The following DOCK2 variants were observed in gnomAD, a reference collection of about 807,000 sequenced individuals.
The protein encoded by DOCK2 is dedicator of cytokinesis 2, also known as dedicator of cytokinesis protein 2.
Under a neutral mutation model 248.9 loss-of-function variants are expected in DOCK2, and 87 were observed. The ratio of observed to expected loss-of-function variants is 0.35; its 90% CI spans 0.29 to 0.42. The LOEUF (loss-of-function observed/expected upper bound fraction) is 0.42, where lower values mean the gene tolerates loss of function less well. Ranked by LOEUF, DOCK2 falls within the 10% of genes least tolerant of loss-of-function variation. The pLI, the probability that DOCK2 is intolerant of heterozygous loss-of-function variation, is 1.00. For missense variants in DOCK2, 1,747 were observed against 2,300.2 expected, an observed-to-expected ratio of 0.76 and a Z score of 4.92; for synonymous variants, 805 against 821.6, an observed-to-expected ratio of 0.98 and a Z score of 0.35.
intron 19 of DOCK2, 104 bp downstream of exon 19, chr5:169,714,561 T>A: frequency 8.0e-7 from 1 of 1,249,740 alleles, no homozygotes; most frequent in South Asian, 1.4e-5. Context: ...TGGGGAAACT[T>A]TTCTTCCAAC....
chr5:170,081,894 T>G lies in DOCK2; in HGVS notation c.5340T>G (p.Ser1780=). The change falls in exon 51 of 52, where the codon TCT becomes TCG. Residue 1780 remains serine, a synonymous_variant. Coordinates refer to ENST00000520908, the MANE Select transcript of DOCK2 (RefSeq NM_004946.3). ...CTGGGTTGGATGAGGCCAACACATC[T>G]CCCCGCCTCAGCCAGACCTTCCTCC... ...GIPGLDEANT[S]PRLSQTFLQL... 1.2e-6 allele frequency: 2 copies of G among 1,613,270 alleles called. No individual in the cohort carries two copies. Among genetic ancestry groups the G allele is most frequent in the Non-Finnish European group, 1.7e-6 (2 of 1,179,864 alleles).
At chr5:170,029,081 CTG>C (rs1233374808) in intron 34 of DOCK2, among the ~76,000 whole-genome samples, 11 of 152,116 alleles carry the variant, frequency 7.2e-5, no homozygotes, top group Admixed American at 6.5e-4. Context: ...TTACAGTTCT[CTG>C]GGGTATATAC....
chr5:169,733,985 A>C (rs1762912032), intron 22 of DOCK2, among the ~76,000 whole-genome samples: 1 of 152,136 alleles, frequency 6.6e-6, no homozygotes, highest in South Asian at 2.1e-4. Context: ...ATTTCTCCAT[A>C]TATTTTATTA....
chr5:169,841,508 A>G, intron 27 of DOCK2: 1 of 948,100 alleles, frequency 1.1e-6, no homozygotes, highest in Non-Finnish European at 1.3e-6. Flanking sequence ...ATGCCCAACC[A>G]TGTCACTCCT....
intron 1 of DOCK2, among the ~76,000 whole-genome samples, chr5:169,653,295 A>G (rs1000999472): frequency 3.9e-5 from 6 of 152,156 alleles, no homozygotes; most frequent in African/African-American, 7.2e-5. Context: ...TAACCTTTTT[A>G]CAGTGGTATC....
At chr5:169,683,963 C>T (rs906349345) in intron 7 of DOCK2, among the ~76,000 whole-genome samples, 1 of 152,178 alleles carries the variant, frequency 6.6e-6, no homozygotes, top group Non-Finnish European at 1.5e-5. Flanking sequence ...CTTTTTATGA[C>T]ACTAACTTTA....
rs115690379 is a variant in DOCK2 at position 169,980,975 on chromosome 5, G to A, written c.2800-2093G>A. On this transcript the variant is annotated intron_variant, in intron 27 of 51. Transcript: ENST00000520908. ...TGTTTTCTAGTCATTTACGGTGTGT[G>A]GGTGTGGTGGTCACTTGGCAGGGAG... Among the ~76,000 whole-genome samples the A allele has an allele frequency of 1.1e-3, 169 of 152,224 alleles. 1 individual carries two copies. The highest frequency in any genetic ancestry group is 3.1e-3 in the African/African-American group (129 of 41,526).
rs386694789 is a variant in DOCK2 at position 169,686,064 on chromosome 5, TGGACCCC to T, written c.761+1716_761+1722del. On this transcript the variant is annotated intron_variant, in intron 8 of 51. Coordinates refer to ENST00000520908, the MANE Select transcript of DOCK2 (RefSeq NM_004946.3). ...CCCAATTCACCTGGCTTAGCCTTGG[TGGACCCC>T]GATAATGAGTGTCCCTGGTCCCTTA... Among the ~76,000 whole-genome samples, 625 of 152,336 alleles carry T rather than the reference TGGACCCC, an allele frequency of 4.1e-3. 4 individuals are homozygous for T. Among genetic ancestry groups the T allele is most frequent in the African/African-American group, 0.014 (564 of 41,576 alleles).
At chr5:169,644,489 C>T (rs977478268) in intron 1 of DOCK2, among the ~76,000 whole-genome samples, 14 of 151,980 alleles carry the variant, frequency 9.2e-5, no homozygotes, top group Non-Finnish European at 1.3e-4. Flanking sequence ...GTGGTGACTC[C>T]GAGGTTTCTG....
intron 27 of DOCK2, among the ~76,000 whole-genome samples, chr5:169,970,248 T>G (rs1777451529): frequency 6.6e-6 from 1 of 152,248 alleles, no homozygotes; most frequent in African/African-American, 2.4e-5. Flanking sequence ...AATAGGGACA[T>G]GCATTCCATC....
chr5:169,972,220 A>G lies in DOCK2; in HGVS notation c.2800-10848A>G, dbSNP rs74598734. Among the ~76,000 whole-genome samples, 9 of 152,284 alleles carry G rather than the reference A, an allele frequency of 5.9e-5. No homozygotes were observed. The East Asian group carries it at 1.7e-3, about 29-fold the overall frequency. On this transcript the variant is annotated intron_variant, in intron 27 of 51. Transcript: ENST00000520908. ...TATGAAATTTTCCCTGAATATTTCT[A>G]CCCTCATAGATTGTTCCTGCTTATT...
At chr5:170,056,249 G>C (rs563907921) in intron 42 of DOCK2, among the ~76,000 whole-genome samples, 1 of 152,302 alleles carries the variant, frequency 6.6e-6, no homozygotes, top group Non-Finnish European at 1.5e-5. Flanking sequence ...ACGGTGTTCT[G>C]CTGGCCCTGA....
chr5:169,985,200 G>A (rs1317662925), intron 28 of DOCK2, among the ~76,000 whole-genome samples: 7 of 152,234 alleles, frequency 4.6e-5, no homozygotes, highest in African/African-American at 1.7e-4. Flanking sequence ...ACCGTGCCTG[G>A]CCTCCAGATT....
Position 170,057,672 on chromosome 5 carries a change from T to G in DOCK2, c.4467+6T>G. ...AGGTGGTGCACATGTCGCAGGTGAG[T>G]CTGGGACATTCGTGGCAGGGCCACC... On this transcript the variant is annotated splice_donor_region_variant and intron_variant, in intron 44 of 51. Coordinates refer to ENST00000520908, the MANE Select transcript of DOCK2 (RefSeq NM_004946.3). 6.3e-7 allele frequency: 1 copy of G among 1,596,734 alleles called. No individual in the cohort carries two copies.
At chr5:169,997,303 G>C (rs1474309500) in intron 30 of DOCK2, among the ~76,000 whole-genome samples, 2 of 134,516 alleles carry the variant, frequency 1.5e-5, no homozygotes, top group African/African-American at 6.1e-5. Context: ...GCATACAATC[G>C]GGTTTTATAC....
intron 43 of DOCK2, chr5:170,057,376 G>C: frequency 1.6e-6 from 1 of 631,990 alleles, no homozygotes; most frequent in Non-Finnish European, 2.9e-6. Context: ...CCTAAGTCCA[G>C]GGAGAGCTTA....
intron 23 of DOCK2, among the ~76,000 whole-genome samples, chr5:169,758,600 C>T (rs1011037075): frequency 6.6e-6 from 1 of 152,188 alleles, no homozygotes; most frequent in Non-Finnish European, 1.5e-5. Flanking sequence ...TGCAGCCTGC[C>T]TGAATTTGAA....
At chr5:169,737,151 G>A (rs1410943334) in intron 22 of DOCK2, among the ~76,000 whole-genome samples, 1 of 152,170 alleles carries the variant, frequency 6.6e-6, no homozygotes, top group African/African-American at 2.4e-5. Flanking sequence ...TACCATCTAA[G>A]CTGTGACCTG....
chr5:170,012,564 C>G (rs1194753018), intron 32 of DOCK2, among the ~76,000 whole-genome samples: 2 of 152,158 alleles, frequency 1.3e-5, no homozygotes, highest in Non-Finnish European at 2.9e-5. Flanking sequence ...AGGGGCAAAT[C>G]TAGACAAATT....
Sources: gnomAD v4.1 joint callset for allele counts (sites outside exome capture counted in the v4.1 genomes callset) on GRCh38, gnomAD v4.1.1 for gene constraint, MANE v1.5 for transcripts, NCBI Gene and HGNC (gene_info 2026-07-23, HGNC 2026-07-21) for gene names.